The following NEGR1 variants were observed in gnomAD, a reference collection of about 807,000 sequenced individuals.
The protein encoded by NEGR1 is neuronal growth regulator 1, also known as IgLON family member 4.
NEGR1 carries 10 observed loss-of-function variants against 40.9 expected under a neutral mutation model. That is an observed-to-expected ratio of 0.24 (90% CI 0.15 to 0.42). The LOEUF is 0.42. NEGR1 is among the 10% of genes least tolerant of loss of function. The pLI is 1.00. For missense variants in NEGR1, 352 were observed against 438.9 expected, an observed-to-expected ratio of 0.80 and a Z score of 1.77; for synonymous variants, 185 against 166.8, an observed-to-expected ratio of 1.11 and a Z score of -0.84.
At chr1:71,606,112 A>G (rs1014275493) in intron 5 of NEGR1, among the ~76,000 whole-genome samples, 7 of 152,210 alleles carry the variant, frequency 4.6e-5, no homozygotes, top group Admixed American at 2.6e-4. Context: ...ATCACATTGA[A>G]TAAGGTTTCC....
chr1:71,948,931 A>G (rs1197318483), intron 1 of NEGR1, among the ~76,000 whole-genome samples: 2 of 152,142 alleles, frequency 1.3e-5, no homozygotes, highest in Non-Finnish European at 2.9e-5. Flanking sequence ...GATATTAGTT[A>G]TTACTTCCTT....
At chr1:71,822,562 A>C (rs1024237496) in intron 2 of NEGR1, among the ~76,000 whole-genome samples, 4 of 151,944 alleles carry the variant, frequency 2.6e-5, no homozygotes, top group African/African-American at 9.7e-5. Context: ...AACTGCCCCC[A>C]ACAAGCTAAT....
At chr1:72,023,107 T>A (rs1339350208) in intron 1 of NEGR1, among the ~76,000 whole-genome samples, 1 of 152,164 alleles carries the variant, frequency 6.6e-6, no homozygotes, top group East Asian at 1.9e-4. Flanking sequence ...AAACAGTATT[T>A]CCTTTCCTCA....
intron 1 of NEGR1, among the ~76,000 whole-genome samples, chr1:72,047,940 A>C (rs1647017796): frequency 6.6e-6 from 1 of 151,644 alleles, no homozygotes; most frequent in Admixed American, 6.6e-5. Flanking sequence ...CACAGAAAGA[A>C]AGTAAAAACT....
intron 3 of NEGR1, among the ~76,000 whole-genome samples, chr1:71,748,749 TAAATG>T (rs1372917691): frequency 2.6e-5 from 4 of 152,054 alleles, no homozygotes; most frequent in African/African-American, 9.7e-5. Context: ...TAATTTAAAA[TAAATG>T]AAATTAAATA....
At chr1:71,963,366 T>C (rs963500226) in intron 1 of NEGR1, among the ~76,000 whole-genome samples, 1 of 152,174 alleles carries the variant, frequency 6.6e-6, no homozygotes. Flanking sequence ...ATAGAGATAA[T>C]ACAGAGAACT....
intron 1 of NEGR1, among the ~76,000 whole-genome samples, chr1:71,941,360 T>C (rs1324528011): frequency 6.6e-6 from 1 of 152,194 alleles, no homozygotes; most frequent in Non-Finnish European, 1.5e-5. Context: ...CACTCTCTTC[T>C]TGATATCTTT....
At chr1:71,618,263 C>A (rs1490230326) in intron 4 of NEGR1, among the ~76,000 whole-genome samples, 1 of 152,172 alleles carries the variant, frequency 6.6e-6, no homozygotes, top group Non-Finnish European at 1.5e-5. Context: ...ATCTGCGACC[C>A]ATTTGTGAAT....
intron 4 of NEGR1, among the ~76,000 whole-genome samples, chr1:71,624,864 T>C (rs1182640264): frequency 3.3e-5 from 5 of 151,910 alleles, no homozygotes; most frequent in African/African-American, 1.2e-4. Context: ...CCATCTGACA[T>C]GGTATATATT....
chr1:71,458,220 G>A (rs1646688337), intron 6 of NEGR1, among the ~76,000 whole-genome samples: 1 of 152,332 alleles, frequency 6.6e-6, no homozygotes, highest in Non-Finnish European at 1.5e-5. Context: ...CCATCAAGGT[G>A]TAGCCTAAGA....
chr1:71,652,637 C>T (rs964891262), intron 4 of NEGR1, among the ~76,000 whole-genome samples: 3 of 152,102 alleles, frequency 2.0e-5, no homozygotes, highest in African/African-American at 7.2e-5. Flanking sequence ...AGACTGAGGC[C>T]GGTGGATCGC....
intron 1 of NEGR1, among the ~76,000 whole-genome samples, chr1:72,036,856 G>GT: frequency 6.6e-6 from 1 of 151,954 alleles, no homozygotes; most frequent in South Asian, 2.1e-4. Flanking sequence ...ATTTCTTTTT[G>GT]TTTTTGCAAC....
intron 6 of NEGR1, among the ~76,000 whole-genome samples, chr1:71,542,879 T>C (rs1189494278): frequency 6.6e-6 from 1 of 151,728 alleles, no homozygotes; most frequent in Non-Finnish European, 1.5e-5. Context: ...CTGGAGCACA[T>C]TTAACTTTGG....
chr1:71,711,308 C>T (rs556560010), intron 3 of NEGR1, among the ~76,000 whole-genome samples: 1 of 132,744 alleles, frequency 7.5e-6, no homozygotes, highest in African/African-American at 2.8e-5. Context: ...TGCGCCACTG[C>T]ACTCCAGCCT....
At chr1:71,428,551 C>G (rs1449370851) in intron 6 of NEGR1, among the ~76,000 whole-genome samples, 1 of 151,952 alleles carries the variant, frequency 6.6e-6, no homozygotes, top group Non-Finnish European at 1.5e-5. Context: ...CCTCTGGAAT[C>G]TAGAACAAAA....
intron 2 of NEGR1, among the ~76,000 whole-genome samples, chr1:71,854,328 T>C (rs570382556): frequency 2.0e-5 from 3 of 152,142 alleles, no homozygotes; most frequent in Non-Finnish European, 2.9e-5. Context: ...TATTAATTTC[T>C]ATATATTCTC....
At chr1:71,493,048 C>T (rs1646939678) in intron 6 of NEGR1, among the ~76,000 whole-genome samples, 1 of 152,106 alleles carries the variant, frequency 6.6e-6, no homozygotes, top group African/African-American at 2.4e-5. Context: ...TTCTTAGATT[C>T]ATACTCCCCA....
In NEGR1 at chr1:72,107,912, TA is replaced by T. The variant is rs1055261756; in HGVS notation, c.177-172602del. Among the ~76,000 whole-genome samples, 97 of 149,832 alleles carry T rather than the reference TA, an allele frequency of 6.5e-4. No homozygotes were observed. In the East Asian group the frequency reaches 0.011, roughly 17 times the overall value. On this transcript the variant is annotated intron_variant, in intron 1 of 6. Coordinates refer to ENST00000357731, the MANE Select transcript of NEGR1 (RefSeq NM_173808.3). Reference sequence around the variant, plus strand: ...CTACATGGTCACTTTTCTTCAAAGCTAAAAAAAAACATTTGGCTAAGCCTTT... The same window carrying T: ...CTACATGGTCACTTTTCTTCAAAGCTAAAAAAAACATTTGGCTAAGCCTTT...
chr1:71,761,983 A>AT (rs957202253), intron 3 of NEGR1, among the ~76,000 whole-genome samples: 90 of 152,228 alleles, frequency 5.9e-4, no homozygotes, highest in African/African-American at 2.0e-3. Flanking sequence ...CATAATAAAA[A>AT]TACTTTATCA....
Sources: gnomAD v4.1 joint callset for allele counts (sites outside exome capture counted in the v4.1 genomes callset) on GRCh38, gnomAD v4.1.1 for gene constraint, MANE v1.5 for transcripts, NCBI Gene and HGNC (gene_info 2026-07-23, HGNC 2026-07-21) for gene names.